Variants in COLEC12 observed in about 807,000 individuals in gnomAD.
The protein encoded by COLEC12 is collectin subfamily member 12, also known as collectin-12.
COLEC12 carries 33 observed loss-of-function variants against 71.1 expected under a neutral mutation model. The ratio of observed to expected loss-of-function variants is 0.46; its 90% CI spans 0.35 to 0.62. The LOEUF (loss-of-function observed/expected upper bound fraction) is 0.62. Among genes scored for constraint, COLEC12 ranks in the 20% least tolerant of loss-of-function variants. The pLI is 0.00. For missense variants in COLEC12, 765 were observed against 916.1 expected, an observed-to-expected ratio of 0.84 and a Z score of 2.13; for synonymous variants, 350 against 353.0, an observed-to-expected ratio of 0.99 and a Z score of 0.10.
At chr18:339,298 ATGG>A (rs1253113509) in intron 5 of COLEC12, among the ~76,000 whole-genome samples, 1 of 152,088 alleles carries the variant, frequency 6.6e-6, no homozygotes, top group Non-Finnish European at 1.5e-5. Context: ...AGGGTAGTTT[ATGG>A]TGTTCAGCTA....
Position 497,383 on chromosome 18 carries a change from G to GGTGTGTGTGTGTGTGT in COLEC12, c.7+3109_7+3124dup, listed in dbSNP as rs10689788. Among the ~76,000 whole-genome samples, 342 of 147,142 alleles carry GGTGTGTGTGTGTGTGT rather than the reference G, an allele frequency of 2.3e-3. 1 individual carries two copies. The highest frequency in any genetic ancestry group is 5.2e-3 in the South Asian group (24 of 4,606). ...GATTTTCAATTTGGCTAAAGAATGG[G>GGTGTGTGTGTGTGTGT]GTGTGTGTGTGTGTGTGTGTGTGTG... On this transcript the variant is annotated intron_variant, in intron 1 of 9. Coordinates refer to ENST00000400256, the MANE Select transcript of COLEC12 (RefSeq NM_130386.3).
intron 2 of COLEC12, among the ~76,000 whole-genome samples, chr18:464,153 C>T (rs901995919): frequency 2.0e-5 from 3 of 152,182 alleles, no homozygotes; most frequent in Non-Finnish European, 4.4e-5. Flanking sequence ...CTCATCTTTA[C>T]CACAAACCTC....
At chr18:332,937 G>A in intron 7 of COLEC12, 70 bp downstream of exon 7, 1 of 1,352,480 alleles carries the variant, frequency 7.4e-7, no homozygotes, top group Admixed American at 2.5e-5. Flanking sequence ...TCCCCAACAA[G>A]CCTGCAATTT....
intron 3 of COLEC12, among the ~76,000 whole-genome samples, chr18:356,274 A>T (rs2143498909): frequency 6.6e-6 from 1 of 152,316 alleles, no homozygotes; most frequent in South Asian, 2.1e-4. Context: ...CATTTTGCAG[A>T]TAAGAAATCA....
intron 2 of COLEC12, among the ~76,000 whole-genome samples, chr18:439,760 T>G (rs1301938370): frequency 6.6e-6 from 1 of 152,074 alleles, no homozygotes; most frequent in Non-Finnish European, 1.5e-5. Flanking sequence ...TTTGGTGCAG[T>G]CATTATGGAA....
chr18:367,555 T>C (rs1914883072), intron 2 of COLEC12, among the ~76,000 whole-genome samples: 1 of 152,230 alleles, frequency 6.6e-6, no homozygotes, highest in Non-Finnish European at 1.5e-5. Flanking sequence ...AGCAGGAGAC[T>C]TCACCACTGC....
intron 2 of COLEC12, among the ~76,000 whole-genome samples, chr18:400,672 T>C (rs745533866): frequency 2.6e-5 from 4 of 152,226 alleles, no homozygotes; most frequent in Non-Finnish European, 5.9e-5. Context: ...CAACTCATAC[T>C]TGAATCTGTG....
chr18:430,227 G>A (rs759050533), intron 2 of COLEC12, among the ~76,000 whole-genome samples: 1 of 151,918 alleles, frequency 6.6e-6, no homozygotes, highest in Admixed American at 6.6e-5. Flanking sequence ...CCAGCTACTC[G>A]GGAGGCTGAG....
intron 2 of COLEC12, among the ~76,000 whole-genome samples, chr18:462,642 T>G (rs1368133471): frequency 6.6e-6 from 1 of 152,194 alleles, no homozygotes; most frequent in African/African-American, 2.4e-5. Context: ...ACTACTGAAC[T>G]GGTACACCTT....
intron 2 of COLEC12, among the ~76,000 whole-genome samples, chr18:405,052 C>G (rs1915759060): frequency 6.6e-6 from 1 of 152,090 alleles, no homozygotes; most frequent in Admixed American, 6.5e-5. Flanking sequence ...GAGATAAGGA[C>G]TGAGATGTGC....
At position 319,329 on chromosome 18, in the gene COLEC12, A is replaced by ATATATAT. The variant is rs1555611780; in HGVS notation, c.*715_*716insATATATA. 3.7e-4 allele frequency: 11 copies of ATATATAT among 29,496 alleles called. No individual in the cohort carries two copies. Among genetic ancestry groups the ATATATAT allele is most frequent in the African/African-American group, 1.2e-3 (11 of 9,166 alleles). 1.8% of individuals were successfully genotyped at this position (29,496 alleles called of 1,614,324 possible). On this transcript the variant is annotated 3_prime_UTR_variant, in exon 10 of 10. Coordinates refer to ENST00000400256, the MANE Select transcript of COLEC12 (RefSeq NM_130386.3). ...CTGAGGAAATGAAACATTAAAAAAA[A>ATATATAT]AAAAAAAAAAAAATATATATATATA...
chr18:323,915 T>A (rs1296180655), intron 8 of COLEC12, among the ~76,000 whole-genome samples: 4 of 152,188 alleles, frequency 2.6e-5, no homozygotes, highest in Non-Finnish European at 5.9e-5. Context: ...GGCAGAGAAA[T>A]AACTGAGTGA....
intron 1 of COLEC12, among the ~76,000 whole-genome samples, chr18:492,192 A>C (rs949116037): frequency 6.6e-6 from 1 of 152,190 alleles, no homozygotes; most frequent in Non-Finnish European, 1.5e-5. Flanking sequence ...CTTTTGATTC[A>C]ATTGCACAGT....
chr18:332,991 T>C lies in COLEC12; in HGVS notation c.1953+16A>G, dbSNP rs765835744. On this transcript the variant is annotated intron_variant, in intron 7 of 9. Coordinates refer to ENST00000400256, the MANE Select transcript of COLEC12 (RefSeq NM_130386.3). The stretch of plus-strand genomic sequence containing the variant: ...TAAATTATAGTTTTCCCCAACCAAG[T>C]ATGTGGCAGGCATACCTGTTCCTCT... 3 of 1,547,866 alleles carry C rather than the reference T, an allele frequency of 1.9e-6. No homozygotes were observed. The highest frequency in any genetic ancestry group is 2.8e-5 in the African/African-American group (2 of 71,958).
At chr18:455,836 T>A (rs1375384517) in intron 2 of COLEC12, among the ~76,000 whole-genome samples, 9 of 152,366 alleles carry the variant, frequency 5.9e-5, no homozygotes, top group East Asian at 5.8e-4. Flanking sequence ...TCATTCTTTT[T>A]TACGGCTGCA....
At chr18:429,630 C>T (rs1488207084) in intron 2 of COLEC12, among the ~76,000 whole-genome samples, 1 of 152,148 alleles carries the variant, frequency 6.6e-6, no homozygotes, top group Admixed American at 6.6e-5. Flanking sequence ...GAACCGCCCC[C>T]GTCAACCTCC....
chr18:493,493 T>C (rs1917654837), intron 1 of COLEC12, among the ~76,000 whole-genome samples: 1 of 152,214 alleles, frequency 6.6e-6, no homozygotes, highest in African/African-American at 2.4e-5. Context: ...CTCCTGCAAA[T>C]GAAAATGTCC....
At chr18:449,739 A>C (rs894614784) in intron 2 of COLEC12, among the ~76,000 whole-genome samples, 34 of 152,166 alleles carry the variant, frequency 2.2e-4, no homozygotes, top group African/African-American at 7.2e-4. Context: ...TGGCAGGGAC[A>C]CGAGAGCCAG....
In COLEC12 at chr18:325,994, C is replaced by T. The variant is rs560406021; in HGVS notation, c.2064-4187G>A. ...TTCTACTGTTGGTCTTTCTATTTCA[C>T]TGCTTTCCTTCCTTTGACTTACTTA... On this transcript the variant is annotated intron_variant, in intron 8 of 9. Coordinates refer to ENST00000400256, the MANE Select transcript of COLEC12 (RefSeq NM_130386.3). Among the ~76,000 whole-genome samples the T allele has an allele frequency of 2.0e-5, 3 of 152,326 alleles. No homozygotes were observed. In the South Asian group the frequency reaches 6.2e-4, roughly 32 times the overall value.
Sources: allele counts gnomAD v4.1 joint callset (sites outside exome capture counted in the v4.1 genomes callset), GRCh38; gene constraint gnomAD v4.1.1; transcripts MANE v1.5; gene names NCBI Gene and HGNC (gene_info 2026-07-23, HGNC 2026-07-21).